Variants in CCDC88B observed in about 807,000 individuals in gnomAD.
The protein encoded by CCDC88B is coiled-coil domain-containing protein 88B.
Under a neutral mutation model 183.7 loss-of-function variants are expected in CCDC88B, and 138 were observed. The ratio of observed to expected loss-of-function variants is 0.75; its 90% CI spans 0.65 to 0.87. CCDC88B has a LOEUF of 0.87. CCDC88B is among the 40% of genes least tolerant of loss of function. CCDC88B has a pLI of 0.00. For missense variants in CCDC88B, 1,822 were observed against 1,965.6 expected, an observed-to-expected ratio of 0.93 and a Z score of 1.38; for synonymous variants, 835 against 867.5, an observed-to-expected ratio of 0.96 and a Z score of 0.66.
rs1431616461 is a variant in CCDC88B, at chr11:64,341,750, C to T, written c.675+8C>T. ...CGTGACCTGGGGGCCCAGGTAGGGG[C>T]AGCAGGGGCATCGTGGACTCAGGTT... On this transcript the variant is annotated splice_region_variant and intron_variant, in intron 7 of 26. Coordinates refer to ENST00000356786, the MANE Select transcript of CCDC88B (RefSeq NM_032251.6). 6.4e-6 allele frequency: 10 copies of T among 1,553,122 alleles called. No individual in the cohort carries two copies. The highest frequency in any genetic ancestry group is 8.7e-6 in the Non-Finnish European group (10 of 1,153,978).
At chr11:64,349,150 C>T in intron 14 of CCDC88B, 181 bp from the exon 15 acceptor site, 1 of 790,152 alleles carries the variant, frequency 1.3e-6, no homozygotes, top group Non-Finnish European at 2.2e-6. Context: ...CTTTCATGCC[C>T]AATTTCAAGG....
chr11:64,353,979 C>T (rs1239458061), intron 23 of CCDC88B, 25 bp from the exon 24 acceptor site: 3 of 1,513,118 alleles, frequency 2.0e-6, no homozygotes, highest in African/African-American at 1.4e-5. Context: ...TGTCCTGACC[C>T]CCTCTTGTGC....
At chr11:64,341,877 TCACAACCAGATGGCCCAAGACCCCAGAC>T (rs1394841484) in intron 7 of CCDC88B, 89 bp from the exon 8 acceptor site, 3 of 509,746 alleles carry the variant, frequency 5.9e-6, no homozygotes, top group East Asian at 1.0e-4. Flanking sequence ...ATCAGTGATG[TCACAACCAGATGGCCCAAGACCCCAGAC>T]CACAACCCCA....
chr11:64,341,061 G>A lies in CCDC88B; in HGVS notation c.318+43G>A, dbSNP rs1055585753. 1.1e-5 allele frequency: 17 copies of A among 1,613,686 alleles called. No individual in the cohort carries two copies. The African/African-American group carries it at 2.1e-4, about 20-fold the overall frequency. On this transcript the variant is annotated intron_variant, in intron 3 of 26. Coordinates refer to ENST00000356786, the MANE Select transcript of CCDC88B (RefSeq NM_032251.6). ...AAAGGCGGAGACAGGAGGGGAAGAGGAGCCCCTTCGGGAAGGCGCCTCATA... is the reference window on the plus strand; with the variant it reads ...AAAGGCGGAGACAGGAGGGGAAGAGAAGCCCCTTCGGGAAGGCGCCTCATA...
In CCDC88B at chr11:64,351,461, C is replaced by T. The variant is rs762461510; in HGVS notation, c.2959-15C>T. On this transcript the variant is annotated splice_polypyrimidine_tract_variant and intron_variant, in intron 17 of 26. Coordinates refer to ENST00000356786, the MANE Select transcript of CCDC88B (RefSeq NM_032251.6). ...CCCCGCCACCTGGCTATTGCTAACC[C>T]CCACTTCTGGGCAGAATGCGATGCT... 6.3e-7 allele frequency: 1 copy of T among 1,581,698 alleles called. No homozygotes were observed. Among genetic ancestry groups the T allele is most frequent in the South Asian group, 1.1e-5 (1 of 87,932 alleles).
In CCDC88B at chr11:64,341,581, G is replaced by T; in HGVS notation, c.532-18G>T. On this transcript the variant is annotated intron_variant, in intron 6 of 26. Transcript: ENST00000356786. ...GCCACACCGCGGCTTCCACTGAACT[G>T]CTCTTCCTGCGCCCCAGGTGACCCA... 1.2e-6 allele frequency: 2 copies of T among 1,604,652 alleles called. No individual in the cohort carries two copies. The highest frequency in any genetic ancestry group is 1.7e-6 in the Non-Finnish European group (2 of 1,174,804).
At chr11:64,349,752 T>C (rs1418982735) in intron 16 of CCDC88B, 84 bp downstream of exon 16, 10 of 1,281,036 alleles carry the variant, frequency 7.8e-6, no homozygotes, top group South Asian at 1.3e-5. Context: ...TCTGTCCTCC[T>C]AGTCTTGCCT....
chr11:64,344,710 T>G lies in CCDC88B; in HGVS notation c.2169T>G (p.Gly723=), dbSNP rs1370321949. The change falls in exon 14 of 27, where the codon GGT becomes GGG. Residue 723 remains glycine (G), a synonymous_variant. Transcript: ENST00000356786. This position sits in a 1 kb window ranked among gnomAD's most constrained non-coding sequence, Gnocchi z 4.5. ...GPIPGESLAS[G]VAEQEALREE... ...TCCCAGGGGAGAGCCTGGCCAGTGG[T>G]GTCGCAGAGCAGGAGGCCCTCAGGG... The G allele has an allele frequency of 6.2e-7, 1 of 1,613,652 alleles. No individual in the cohort carries two copies. The highest frequency in any genetic ancestry group is 1.1e-5 in the South Asian group (1 of 91,050).
In CCDC88B at chr11:64,352,831, G is replaced by A; in HGVS notation, c.3444G>A (p.Gly1148=). The change falls in exon 20 of 27, where the codon GGG becomes GGA. Residue 1148 remains glycine, a synonymous_variant. Transcript: ENST00000356786. ...AGCGTGAACGCCTGATGCAAGATGG[G>A]CATCGGCAGCGGGGCCTGGAGGAGG... The part of the protein sequence containing the change: ...LAERERLMQD[G]HRQRGLEEEL... 6.2e-7 allele frequency: 1 copy of A among 1,612,488 alleles called. No individual in the cohort carries two copies. Among genetic ancestry groups the A allele is most frequent in the South Asian group, 1.1e-5 (1 of 90,982 alleles).
chr11:64,357,391 G>C lies in CCDC88B; in HGVS notation c.*297G>C. ...CTGGGGGATCCCCCAGCTGAAGGAG[G>C]CTGGCAGGAGTTGGCAAGAGAACCC... On this transcript the variant is annotated 3_prime_UTR_variant, in exon 27 of 27. Transcript: ENST00000356786. 1.4e-6 allele frequency: 1 copy of C among 717,516 alleles called. No individual in the cohort carries two copies. The highest frequency in any genetic ancestry group is 2.6e-6 in the Non-Finnish European group (1 of 385,130). The allele number at this position is 717,516 out of a possible 1,614,324, so 44.4% of individuals were successfully genotyped here.
Position 64,340,620 on chromosome 11 carries a change from C to T in CCDC88B, c.74C>T (p.Ala25Val). 6.2e-7 allele frequency: 1 copy of T among 1,608,976 alleles called. No homozygotes were observed. The highest frequency in any genetic ancestry group is 8.5e-7 in the Non-Finnish European group (1 of 1,179,264). The stretch of plus-strand genomic sequence containing the variant: ...GGCTCCTCACAGGCGCTGGGACTGG[C>T]CGGGCTGGTCGGGGAGGCGGAGGAC... ...GSLATWALGL[A>V]GLVGEAEDSE... is the part of the protein sequence containing the mutation. Residue 25 changes from alanine to valine, a missense_variant, in exon 2 of 27, where the codon GCC (alanine) becomes GTC (valine). Transcript: ENST00000356786.
Position 64,344,689 on chromosome 11 carries a change from A to C in CCDC88B, c.2148A>C (p.Pro716=). The C allele has an allele frequency of 6.2e-7, 1 of 1,614,110 alleles. No homozygotes were observed. Among genetic ancestry groups the C allele is most frequent in the Non-Finnish European group, 8.5e-7 (1 of 1,180,012 alleles). Residue 716 remains proline (P), a synonymous_variant, in exon 14 of 27, where the codon CCA becomes CCC. Transcript: ENST00000356786. The surrounding 1 kb of genome is among the most constrained non-coding windows in gnomAD (Gnocchi z 4.5). ...LEVQVWEGPI[P]GESLASGVAE... is the part of the protein sequence containing the mutation. ...TCCAGGTCTGGGAAGGCCCAATCCC[A>C]GGGGAGAGCCTGGCCAGTGGTGTCG...
At chr11:64,345,357 C>A (rs1413343291) in intron 14 of CCDC88B, among the ~76,000 whole-genome samples, 200 bp downstream of exon 14, 1 of 152,110 alleles carries the variant, frequency 6.6e-6, no homozygotes, top group East Asian at 1.9e-4. Flanking sequence ...GATGGGGGCG[C>A]TGTGGGAGGG....
In CCDC88B at chr11:64,351,574, G is replaced by T; in HGVS notation, c.3057G>T (p.Leu1019=). 6.4e-7 allele frequency: 1 copy of T among 1,565,410 alleles called. No homozygotes were observed. The highest frequency in any genetic ancestry group is 8.6e-7 in the Non-Finnish European group (1 of 1,163,924). The stretch of plus-strand genomic sequence containing the variant: ...TGCAGGGCCGTGCCCAGGAGCTGCT[G>T]CTGCAGAGCCAGCGGGCGCAGGAGC... The part of the protein sequence containing the change: ...GSLQGRAQEL[L]LQSQRAQEHS... The change falls in exon 18 of 27, where the codon CTG becomes CTT. Residue 1019 remains leucine (L), a synonymous_variant. Transcript: ENST00000356786.
chr11:64,349,319 G>T lies in CCDC88B; in HGVS notation c.2617-12G>T. On this transcript the variant is annotated splice_polypyrimidine_tract_variant and intron_variant, in intron 14 of 26. Coordinates refer to ENST00000356786, the MANE Select transcript of CCDC88B (RefSeq NM_032251.6). ...TGCCCCCTTGCCCTGAGCCTGCTCT[G>T]CTTGCCCTCAGGAGCTGGAGAAAGC... The T allele has an allele frequency of 6.3e-7, 1 of 1,592,606 alleles. No individual in the cohort carries two copies. The highest frequency in any genetic ancestry group is 2.3e-5 in the East Asian group (1 of 44,290).
At chr11:64,351,076 G>A (rs913794691) in intron 16 of CCDC88B, 84 bp from the exon 17 acceptor site, 33 of 956,434 alleles carry the variant, frequency 3.5e-5, no homozygotes, top group Admixed American at 2.4e-4. Context: ...CTGCTGGCAG[G>A]GCAGGTCCAT....
At position 64,345,068 on chromosome 11, in the gene CCDC88B, G is replaced by T; in HGVS notation, c.2527G>T (p.Glu843Ter). ...GCTGCGGGCCCAGTCGGAGGCCGCC[G>T]AGGAACGGATGCAGGTGCTGGAGAG... is the stretch of plus-strand genomic sequence containing the variant. ...SRLRAQSEAA[E>*]ERMQVLESEG... The change falls in exon 14 of 27, where the codon GAG (glutamate) becomes TAG (stop). Residue 843 changes from glutamate (E) to a stop codon, truncating the protein, a stop_gained. Coordinates refer to ENST00000356786, the MANE Select transcript of CCDC88B (RefSeq NM_032251.6). LOFTEE classifies it high-confidence loss of function. 6.4e-7 allele frequency: 1 copy of T among 1,550,922 alleles called. No homozygotes were observed.
At position 64,344,172 on chromosome 11, in the gene CCDC88B, C is replaced by T; in HGVS notation, c.1631C>T (p.Ser544Leu). Residue 544 changes from serine (S) to leucine (L), a missense_variant, in exon 14 of 27, where the codon TCA (serine) becomes TTA (leucine). Transcript: ENST00000356786. This position sits in a 1 kb window ranked among gnomAD's most constrained non-coding sequence, Gnocchi z 4.5. ...GCATTAGACTCAGTGCTCGAGGCAT[C>T]AGCTGAGTGTCCCCAGGCACCTGAT... ...PPALDSVLEA[S>L]AECPQAPDSD... 2 of 1,612,646 alleles carry T rather than the reference C, an allele frequency of 1.2e-6. No homozygotes were observed. Among genetic ancestry groups the T allele is most frequent in the Non-Finnish European group, 1.7e-6 (2 of 1,179,544 alleles).
chr11:64,355,714 A>G (rs2036528077), intron 26 of CCDC88B, 86 bp downstream of exon 26: 1 of 1,307,210 alleles, frequency 7.6e-7, no homozygotes, highest in Admixed American at 2.5e-5. Flanking sequence ...CTTTCATTCG[A>G]CAATGATCCT....
Sources: allele counts gnomAD v4.1 joint callset (sites outside exome capture counted in the v4.1 genomes callset), GRCh38; gene constraint gnomAD v4.1.1; non-coding constraint Gnocchi (gnomAD v3.1); transcripts MANE v1.5; gene names NCBI Gene and HGNC (gene_info 2026-07-23, HGNC 2026-07-21).